The following ZNRF1 variants were observed in gnomAD, a reference collection of about 807,000 sequenced individuals.
ZNRF1 encodes the protein E3 ubiquitin-protein ligase ZNRF1.
In ZNRF1, 3 loss-of-function variants were observed where a neutral mutation model predicts 18.4. The ratio of observed to expected loss-of-function variants is 0.16; its 90% CI spans 0.07 to 0.42. ZNRF1 has a LOEUF of 0.42. Ranked by LOEUF, ZNRF1 falls within the 10% of genes least tolerant of loss-of-function variation. The pLI, the probability that ZNRF1 is intolerant of heterozygous loss-of-function variation, is 0.99. For synonymous variants in ZNRF1, 157 were observed against 144.2 expected (o/e 1.09, Z -0.64); for missense variants, 310 against 329.8 (o/e 0.94, Z 0.47).
intron 1 of ZNRF1, among the ~76,000 whole-genome samples, chr16:75,010,662 A>T (rs2034983003): frequency 6.6e-6 from 1 of 150,778 alleles, no homozygotes; most frequent in East Asian, 1.9e-4. Flanking sequence ...CATACTTCAT[A>T]AAGAGTTGTT....
chr16:75,091,190 C>A (rs971313329), intron 1 of ZNRF1, among the ~76,000 whole-genome samples: 1 of 151,952 alleles, frequency 6.6e-6, no homozygotes. Context: ...GAAACCTAGT[C>A]TCTCCTAAAA....
chr16:75,002,167 T>C (rs772125142), intron 1 of ZNRF1: 3 of 152,196 alleles, frequency 2.0e-5, no homozygotes, highest in Non-Finnish European at 4.4e-5. Context: ...ATCACTCTGG[T>C]TGAGAACCAC....
intron 1 of ZNRF1, among the ~76,000 whole-genome samples, chr16:75,014,007 T>A (rs1403864762): frequency 2.0e-5 from 3 of 151,940 alleles, no homozygotes; most frequent in African/African-American, 7.3e-5. Context: ...TTTTTTGTAT[T>A]TTTAGTAGAG....
At chr16:75,082,149 T>C (rs1219694803) in intron 1 of ZNRF1, among the ~76,000 whole-genome samples, 4 of 152,134 alleles carry the variant, frequency 2.6e-5, no homozygotes, top group Non-Finnish European at 5.9e-5. Context: ...CCCAAAGTGT[T>C]GGAATTACAA....
intron 1 of ZNRF1, among the ~76,000 whole-genome samples, chr16:75,010,437 A>G (rs779036211): frequency 6.6e-6 from 1 of 152,230 alleles, no homozygotes; most frequent in Non-Finnish European, 1.5e-5. Context: ...TGCTCAAAAT[A>G]AAGAATTTAA....
intron 1 of ZNRF1, among the ~76,000 whole-genome samples, chr16:75,043,673 G>C (rs1007352484): frequency 3.9e-5 from 6 of 151,908 alleles, no homozygotes; most frequent in Non-Finnish European, 8.8e-5. Context: ...ACAGTATATG[G>C]CATATATACA....
intron 1 of ZNRF1, among the ~76,000 whole-genome samples, chr16:75,064,362 C>A (rs2035777377): frequency 6.6e-6 from 1 of 151,816 alleles, no homozygotes; most frequent in South Asian, 2.1e-4. Flanking sequence ...TCAAGACCAG[C>A]CTGGCCAACA....
rs1249328454 is a variant in ZNRF1, at chr16:75,051,878, T to C, written c.425-41694T>C. Reference sequence around the variant, plus strand: ...ATCTATTCATCTATCCACTCCTTTATTTATCTATCCACCTCTTATTTTGTA... The same window carrying C: ...ATCTATTCATCTATCCACTCCTTTACTTATCTATCCACCTCTTATTTTGTA... On this transcript the variant is annotated intron_variant, in intron 1 of 4. Transcript: ENST00000335325. Among the ~76,000 whole-genome samples, 6 of 152,294 alleles carry C rather than the reference T, an allele frequency of 3.9e-5. No individual in the cohort carries two copies. The South Asian group carries it at 1.2e-3, about 32-fold the overall frequency.
chr16:75,068,092 GC>G (rs1253293613), intron 1 of ZNRF1, among the ~76,000 whole-genome samples: 1 of 150,072 alleles, frequency 6.7e-6, no homozygotes, highest in Non-Finnish European at 1.5e-5. Flanking sequence ...GGTGGCTCAT[GC>G]CTGTAATCCA....
chr16:75,051,499 G>A (rs1597881712), intron 1 of ZNRF1, among the ~76,000 whole-genome samples: 1 of 151,500 alleles, frequency 6.6e-6, no homozygotes, highest in Non-Finnish European at 1.5e-5. Context: ...ATGAGCCACC[G>A]CATCCAGCCT....
intron 1 of ZNRF1, among the ~76,000 whole-genome samples, chr16:75,007,435 T>C (rs1398923740): frequency 6.6e-6 from 1 of 151,504 alleles, no homozygotes; most frequent in Admixed American, 6.6e-5. Context: ...CTAGAGTCGT[T>C]AGTCTTGAAC....
chr16:75,053,227 T>C (rs1597882943), intron 1 of ZNRF1, among the ~76,000 whole-genome samples: 1 of 152,136 alleles, frequency 6.6e-6, no homozygotes, highest in East Asian at 1.9e-4. Context: ...AATATACATA[T>C]AAGGTGGGAA....
At chr16:75,081,972 A>G (rs906085715) in intron 1 of ZNRF1, among the ~76,000 whole-genome samples, 11 of 152,184 alleles carry the variant, frequency 7.2e-5, no homozygotes, top group South Asian at 4.1e-4. Context: ...TTATAAATCA[A>G]TATTCATCTT....
chr16:75,098,253 C>T (rs1405791687), intron 2 of ZNRF1, among the ~76,000 whole-genome samples: 1 of 152,236 alleles, frequency 6.6e-6, no homozygotes, highest in African/African-American at 2.4e-5. Flanking sequence ...GGGAGGCCTG[C>T]AAGGCCCTAA....
intron 1 of ZNRF1, among the ~76,000 whole-genome samples, chr16:75,067,315 G>C (rs1172250998): frequency 1.3e-5 from 2 of 152,184 alleles, no homozygotes; most frequent in East Asian, 1.9e-4. Flanking sequence ...GGTTGAGGCA[G>C]GTGGGAAGGT....
At chr16:75,103,285 GTT>G (rs1567496607) in intron 2 of ZNRF1, among the ~76,000 whole-genome samples, 1 of 152,086 alleles carries the variant, frequency 6.6e-6, no homozygotes, top group Non-Finnish European at 1.5e-5. Context: ...GGTCACTTTT[GTT>G]TCTTTCTTTT....
chr16:75,059,229 C>CTTTTTTTTTTTTTTTTTTTTTTTTTTTTT (rs35291578), intron 1 of ZNRF1, among the ~76,000 whole-genome samples: 3 of 92,876 alleles, frequency 3.2e-5, no homozygotes, highest in Non-Finnish European at 2.1e-5. Flanking sequence ...TTCTTTCTTT[C>CTTTTTTTTTTTTTTTTTTTTTTTTTTTTT]TTTTTTTTTT....
intron 1 of ZNRF1, among the ~76,000 whole-genome samples, chr16:75,065,919 CT>C (rs888154892): frequency 6.6e-6 from 1 of 152,216 alleles, no homozygotes; most frequent in Non-Finnish European, 1.5e-5. Context: ...GCTGCTGCTC[CT>C]CTCTCAGGTG....
rs190117722 is a variant in ZNRF1 at position 75,039,899 on chromosome 16, T to C, written c.424+39804T>C. Among the ~76,000 whole-genome samples the C allele has an allele frequency of 3.2e-4, 48 of 152,306 alleles. No individual in the cohort carries two copies. In the South Asian group the frequency reaches 4.6e-3, roughly 14 times the overall value. ...CTGCAGTTAGGGATCCTCCAGATGTTGTGGGATATTGGTTGTTACTGTTTT... is the reference window on the plus strand; with the variant it reads ...CTGCAGTTAGGGATCCTCCAGATGTCGTGGGATATTGGTTGTTACTGTTTT... On this transcript the variant is annotated intron_variant, in intron 1 of 4. Transcript: ENST00000335325.
Sources: allele counts gnomAD v4.1 joint callset (sites outside exome capture counted in the v4.1 genomes callset), GRCh38; gene constraint gnomAD v4.1.1; transcripts MANE v1.5; gene names NCBI Gene and HGNC (gene_info 2026-07-23, HGNC 2026-07-21).